The following CSTPP1 variants were observed in gnomAD, a reference collection of about 807,000 sequenced individuals.
CSTPP1 encodes the protein centriolar satellite-associated tubulin polyglutamylase complex regulator 1, also known as UPF0705 protein C11orf49.
chr11:47,052,837 C>T, the CSTPP1 span: 4 of 175,462 alleles, frequency 2.3e-5, no homozygotes, highest in Non-Finnish European at 2.4e-5. Context: ...TGGTAGATAC[C>T]ATAATCCCCA....
chr11:46,936,845 T>A, the CSTPP1 span: 1 of 1,592,562 alleles, frequency 6.3e-7, no homozygotes. Context: ...GGACTACGAG[T>A]ATCTGGGTAG....
At chr11:47,113,348 A>G in the CSTPP1 span, among the ~76,000 whole-genome samples, 1 of 152,228 alleles carries the variant, frequency 6.6e-6, no homozygotes, top group Non-Finnish European at 1.5e-5. Context: ...TCCTTTGAGT[A>G]TATACCTAGT....
At chr11:47,006,755 A>AT in the CSTPP1 span, among the ~76,000 whole-genome samples, 12,346 of 129,840 alleles carry the variant, frequency 0.095, 640 homozygotes, top group African/African-American at 0.13. Context: ...CACTCAGCTA[A>AT]TTTTTTTTTT....
chr11:46,991,255 T>C, the CSTPP1 span, among the ~76,000 whole-genome samples: 1 of 151,850 alleles, frequency 6.6e-6, no homozygotes, highest in Non-Finnish European at 1.5e-5. Flanking sequence ...CAGACAGCTA[T>C]TCAAATGGCC....
the CSTPP1 span, among the ~76,000 whole-genome samples, chr11:46,996,105 C>CT: frequency 2.6e-5 from 4 of 151,776 alleles, no homozygotes; most frequent in Non-Finnish European, 5.9e-5. Context: ...GCAACCCCTG[C>CT]TTTTTTTTGT....
At chr11:47,115,272 G>C in the CSTPP1 span, among the ~76,000 whole-genome samples, 323 of 152,300 alleles carry the variant, frequency 2.1e-3, 1 homozygote, top group African/African-American at 7.5e-3. Flanking sequence ...GTTCATCAGG[G>C]ATATTGGTCT....
At chr11:47,050,223 C>T in the CSTPP1 span, among the ~76,000 whole-genome samples, 65 of 152,272 alleles carry the variant, frequency 4.3e-4, 1 homozygote, top group African/African-American at 1.5e-3. Context: ...TATAGACTTT[C>T]AATATTTCCT....
At chr11:47,120,819 T>A in the CSTPP1 span, among the ~76,000 whole-genome samples, 1 of 152,198 alleles carries the variant, frequency 6.6e-6, no homozygotes, top group Non-Finnish European at 1.5e-5. The surrounding 1 kb of genome is among the most constrained non-coding windows in gnomAD (Gnocchi z 4.2). Context: ...TACAGCAGCT[T>A]AAAAACAGGT....
At chr11:47,093,539 TTAAG>T in the CSTPP1 span, among the ~76,000 whole-genome samples, 2 of 152,184 alleles carry the variant, frequency 1.3e-5, no homozygotes, top group East Asian at 3.8e-4. Context: ...CAAACAATAC[TTAAG>T]TAAGTTTTTT....
the CSTPP1 span, among the ~76,000 whole-genome samples, chr11:47,093,710 T>C: frequency 6.6e-6 from 1 of 152,118 alleles, no homozygotes; most frequent in Admixed American, 6.6e-5. Context: ...GAGCCTGAGT[T>C]TCCCCAGTAG....
the CSTPP1 span, among the ~76,000 whole-genome samples, chr11:47,040,131 CA>C: frequency 7.8e-6 from 1 of 128,066 alleles, no homozygotes; most frequent in African/African-American, 2.5e-5. Context: ...TTAGACTAAT[CA>C]GCAAGTGCCC....
the CSTPP1 span, among the ~76,000 whole-genome samples, chr11:47,038,069 A>C: frequency 1.1e-5 from 1 of 93,654 alleles, no homozygotes; most frequent in Non-Finnish European, 2.6e-5. Context: ...GGCGCCCCTC[A>C]CCTCCCGGAT....
chr11:47,150,649 G>C, the CSTPP1 span, among the ~76,000 whole-genome samples: 1 of 152,166 alleles, frequency 6.6e-6, no homozygotes, highest in African/African-American at 2.4e-5. Flanking sequence ...GGTAGGTGAG[G>C]AGGAGGCATG....
the CSTPP1 span, among the ~76,000 whole-genome samples, chr11:47,063,821 A>G: frequency 1.3e-5 from 2 of 152,212 alleles, no homozygotes; most frequent in South Asian, 2.1e-4. Flanking sequence ...CCTGCTTTCC[A>G]TTACTTTGGG....
At chr11:47,127,879 A>T in the CSTPP1 span, among the ~76,000 whole-genome samples, 143,020 of 150,428 alleles carry the variant, frequency 0.95, 68,240 homozygotes, top group East Asian at 1. Flanking sequence ...TATTATTATT[A>T]TTTTTTTTTT....
chr11:47,085,788 G>A, the CSTPP1 span, among the ~76,000 whole-genome samples: 1 of 151,918 alleles, frequency 6.6e-6, no homozygotes, highest in East Asian at 1.9e-4. Context: ...TACTAGGGAG[G>A]CTAAGGCTGG....
At chr11:46,993,735 G>C in the CSTPP1 span, among the ~76,000 whole-genome samples, 111 of 152,060 alleles carry the variant, frequency 7.3e-4, no homozygotes, top group Non-Finnish European at 1.4e-3. Flanking sequence ...TGTTCTTTTG[G>C]CTTAGGATTG....
the CSTPP1 span, among the ~76,000 whole-genome samples, chr11:47,053,605 G>A: frequency 6.7e-6 from 1 of 148,936 alleles, no homozygotes; most frequent in Non-Finnish European, 1.5e-5. Flanking sequence ...GGACGACAGA[G>A]CAAGACTCTG....
At chr11:47,161,841 C>A in the CSTPP1 span, 4 of 1,373,074 alleles carry the variant, frequency 2.9e-6, no homozygotes, top group African/African-American at 5.9e-5. Context: ...CTCTCCCTGG[C>A]CCTATCAGCC....
Sources: allele counts gnomAD v4.1 joint callset (sites outside exome capture counted in the v4.1 genomes callset), GRCh38; gene constraint gnomAD v4.1.1; non-coding constraint Gnocchi (gnomAD v3.1); transcripts MANE v1.5; gene names NCBI Gene and HGNC (gene_info 2026-07-23, HGNC 2026-07-21).